The following NEBL variants were observed in gnomAD, a reference collection of about 807,000 sequenced individuals.
The protein encoded by NEBL is LIM and SH3 protein 2.
Under a neutral mutation model 140.2 loss-of-function variants are expected in NEBL, and 122 were observed. The ratio of observed to expected loss-of-function variants is 0.87; its 90% CI spans 0.75 to 1.01. The LOEUF (loss-of-function observed/expected upper bound fraction) is 1.01. NEBL is among the 50% of genes least tolerant of loss of function. The probability of loss-of-function intolerance (pLI) is 0.00; values close to 1 mark genes in which losing one functional copy is unlikely to be tolerated. For missense variants in NEBL, 1,365 were observed against 1,231.3 expected (o/e 1.11, Z -1.62); for synonymous variants, 436 against 398.9 (o/e 1.09, Z -1.11).
chr10:21,223,838 T>C (rs1291493449), intron 3 of NEBL, among the ~76,000 whole-genome samples: 2 of 152,226 alleles, frequency 1.3e-5, no homozygotes, highest in Non-Finnish European at 2.9e-5. Context: ...ATGTCTTCTT[T>C]TGAGAAATGT....
chr10:20,895,994 C>T (rs1847437085), intron 2 of NEBL, among the ~76,000 whole-genome samples: 1 of 152,192 alleles, frequency 6.6e-6, no homozygotes, highest in African/African-American at 2.4e-5. Context: ...GGGGAGTCAA[C>T]CCAGGCAGGT....
chr10:20,861,717 T>C (rs1412698373), intron 7 of NEBL, among the ~76,000 whole-genome samples: 2 of 152,166 alleles, frequency 1.3e-5, no homozygotes. Flanking sequence ...TCATACTGTT[T>C]TTGCAAACTC....
intron 2 of NEBL, among the ~76,000 whole-genome samples, chr10:21,147,827 A>T (rs964275320): frequency 6.6e-6 from 1 of 152,218 alleles, no homozygotes; most frequent in Non-Finnish European, 1.5e-5. Flanking sequence ...GGCTGCAGGC[A>T]GGAATCTTTG....
chr10:20,878,198 C>G (rs1025094521), intron 5 of NEBL, among the ~76,000 whole-genome samples: 4 of 152,174 alleles, frequency 2.6e-5, no homozygotes, highest in African/African-American at 9.7e-5. Flanking sequence ...CTCCCTCATT[C>G]TTTTCTGCTT....
intron 2 of NEBL, among the ~76,000 whole-genome samples, chr10:21,169,569 C>G (rs1019353162): frequency 2.0e-5 from 3 of 152,188 alleles, no homozygotes; most frequent in Non-Finnish European, 4.4e-5. Context: ...TACAGACTGA[C>G]AGCAGGGACC....
chr10:21,137,244 A>G (rs1191827768), intron 2 of NEBL, among the ~76,000 whole-genome samples: 2 of 152,200 alleles, frequency 1.3e-5, no homozygotes, highest in Non-Finnish European at 2.9e-5. Context: ...CCAAAGAAAT[A>G]TATTTTTTCA....
intron 4 of NEBL, among the ~76,000 whole-genome samples, chr10:20,920,155 T>G (rs1344452464): frequency 6.6e-6 from 1 of 152,234 alleles, no homozygotes; most frequent in Non-Finnish European, 1.5e-5. Context: ...CAACGTATTC[T>G]GTTGGACTGT....
intron 7 of NEBL, among the ~76,000 whole-genome samples, chr10:20,866,414 A>C (rs1844297435): frequency 1.3e-5 from 2 of 152,154 alleles, no homozygotes; most frequent in Admixed American, 6.6e-5. Flanking sequence ...AATGGGGAAA[A>C]ATTACATATA....
At chr10:21,008,571 G>C (rs1373094719) in intron 3 of NEBL, among the ~76,000 whole-genome samples, 1 of 152,028 alleles carries the variant, frequency 6.6e-6, no homozygotes, top group Non-Finnish European at 1.5e-5. Context: ...CTAATGATCT[G>C]GTAAATGCAA....
At chr10:20,922,453 CA>C (rs376098924) in intron 4 of NEBL, among the ~76,000 whole-genome samples, 2 of 152,166 alleles carry the variant, frequency 1.3e-5, no homozygotes, top group Non-Finnish European at 2.9e-5. Context: ...CCTCCTATAC[CA>C]AAAAGCAAAC....
intron 9 of NEBL, among the ~76,000 whole-genome samples, chr10:20,855,283 A>G (rs1484043871): frequency 6.6e-6 from 1 of 151,922 alleles, no homozygotes; most frequent in Non-Finnish European, 1.5e-5. Flanking sequence ...AAAGAAAGAT[A>G]ATAATACAGA....
At chr10:21,109,816 G>T (rs1328507581) in intron 2 of NEBL, among the ~76,000 whole-genome samples, 1 of 152,064 alleles carries the variant, frequency 6.6e-6, no homozygotes, top group African/African-American at 2.4e-5. Context: ...TCTGATGGTA[G>T]TTTGTATTTC....
chr10:21,125,225 T>TACACAC (rs555623591), intron 2 of NEBL, among the ~76,000 whole-genome samples: 2 of 141,332 alleles, frequency 1.4e-5, no homozygotes, highest in Admixed American at 6.8e-5. Context: ...CACACATGCA[T>TACACAC]ATACACACAC....
intron 2 of NEBL, among the ~76,000 whole-genome samples, chr10:21,137,498 G>C (rs1218016406): frequency 6.6e-6 from 1 of 152,178 alleles, no homozygotes; most frequent in Non-Finnish European, 1.5e-5. Context: ...ATTCCAGTTT[G>C]CTCCTGCTCC....
chr10:20,923,578 C>A (rs188215190), intron 4 of NEBL, among the ~76,000 whole-genome samples: 1 of 136,458 alleles, frequency 7.3e-6, no homozygotes, highest in African/African-American at 2.7e-5. Context: ...ACTCAGGAGG[C>A]TGAGTCAGGA....
At chr10:21,053,215 C>T (rs897957024) in intron 2 of NEBL, among the ~76,000 whole-genome samples, 6 of 152,166 alleles carry the variant, frequency 3.9e-5, no homozygotes, top group Non-Finnish European at 8.8e-5. Flanking sequence ...TCTTTCCCCC[C>T]TACCATCTTG....
At chr10:20,989,558 T>C (rs1837381395) in intron 3 of NEBL, among the ~76,000 whole-genome samples, 1 of 152,038 alleles carries the variant, frequency 6.6e-6, no homozygotes, top group South Asian at 2.1e-4. Context: ...ATTTATGAAG[T>C]GTGAGAAGAC....
chr10:20,845,188 A>C, intron 12 of NEBL, 70 bp downstream of exon 12: 1 of 949,300 alleles, frequency 1.1e-6, no homozygotes, highest in Non-Finnish European at 1.7e-6. Flanking sequence ...GTAGAGAATT[A>C]GGTAAACATT....
chr10:21,225,574 A>C (rs552588679), intron 3 of NEBL, among the ~76,000 whole-genome samples: 1 of 152,290 alleles, frequency 6.6e-6, no homozygotes, highest in African/African-American at 2.4e-5. Context: ...GTGCTACTGC[A>C]GCTGAGCTGG....
Sources: gnomAD v4.1 joint callset for allele counts (sites outside exome capture counted in the v4.1 genomes callset) on GRCh38, gnomAD v4.1.1 for gene constraint, MANE v1.5 for transcripts, NCBI Gene and HGNC (gene_info 2026-07-23, HGNC 2026-07-21) for gene names.